The following MAD1L1 variants were observed in gnomAD, a reference collection of about 807,000 sequenced individuals.
MAD1L1 encodes the protein mitotic spindle assembly checkpoint protein MAD1.
In MAD1L1, 95 loss-of-function variants were observed where a neutral mutation model predicts 96.9. That is an observed-to-expected ratio of 0.98 (90% CI 0.83 to 1.16). The LOEUF is 1.16. Among genes scored for constraint, MAD1L1 ranks in the 50% most tolerant of loss-of-function variants. MAD1L1 has a pLI of 0.00. For missense variants in MAD1L1, 1,007 were observed against 954.4 expected (o/e 1.06, Z -0.73); for synonymous variants, 473 against 396.6 (o/e 1.19, Z -2.29).
At chr7:1,828,396 A>G (rs1262118878) in intron 18 of MAD1L1, among the ~76,000 whole-genome samples, 1 of 152,158 alleles carries the variant, frequency 6.6e-6, no homozygotes, top group Admixed American at 6.5e-5. Flanking sequence ...AGTTCGCTGG[A>G]GTGCTCAGTG....
intron 3 of MAD1L1, among the ~76,000 whole-genome samples, chr7:2,226,611 G>A (rs1351644293): frequency 1.3e-5 from 2 of 152,204 alleles, no homozygotes; most frequent in African/African-American, 4.8e-5. Flanking sequence ...GACTCTTCAC[G>A]TGGCCCAGAG....
chr7:1,995,300 G>GC (rs139309001), intron 14 of MAD1L1, among the ~76,000 whole-genome samples: 4,250 of 152,302 alleles, frequency 0.028, 107 homozygotes, highest in Middle Eastern at 0.11. Flanking sequence ...CCTGGAACCA[G>GC]CCCCGGGGCT....
intron 17 of MAD1L1, among the ~76,000 whole-genome samples, chr7:1,907,633 T>A (rs1787748622): frequency 6.6e-6 from 1 of 152,192 alleles, no homozygotes; most frequent in Admixed American, 6.5e-5. Flanking sequence ...ACAAGTCACC[T>A]CATCTCTCTA....
At chr7:1,821,080 C>CAA (rs35460625) in intron 18 of MAD1L1, among the ~76,000 whole-genome samples, 5 of 30,314 alleles carry the variant, frequency 1.6e-4, no homozygotes, top group East Asian at 2.3e-3. Context: ...GACTCCATCT[C>CAA]AAAAAAAAAA....
chr7:1,968,594 G>C lies in MAD1L1; in HGVS notation c.1506-10875C>G, dbSNP rs544712848. ...GGTCAGGTCCACTGTCCACGCCTCAGTCCGGCAGTCAGGTCCGCTGTCAAC... is the reference window on the plus strand; with the variant it reads ...GGTCAGGTCCACTGTCCACGCCTCACTCCGGCAGTCAGGTCCGCTGTCAAC... On this transcript the variant is annotated intron_variant, in intron 15 of 18. Coordinates refer to ENST00000265854, the MANE Select transcript of MAD1L1 (RefSeq NM_001013836.2). The surrounding 1 kb of genome is among the most constrained non-coding windows in gnomAD (Gnocchi z 5.6). Among the ~76,000 whole-genome samples the C allele has an allele frequency of 6.6e-6, 1 of 151,372 alleles. No homozygotes were observed.
chr7:2,182,608 A>G (rs1791253512), intron 10 of MAD1L1, among the ~76,000 whole-genome samples: 1 of 152,198 alleles, frequency 6.6e-6, no homozygotes, highest in South Asian at 2.1e-4. Context: ...TGATGACACA[A>G]TGGGGTATGA....
chr7:1,906,605 C>G (rs539658068), intron 17 of MAD1L1, among the ~76,000 whole-genome samples: 1 of 152,264 alleles, frequency 6.6e-6, no homozygotes. Flanking sequence ...GCCTGGGCCT[C>G]ACGCTCTTTC....
At chr7:2,047,747 GCA>G (rs1444346156) in intron 12 of MAD1L1, among the ~76,000 whole-genome samples, 2 of 151,692 alleles carry the variant, frequency 1.3e-5, no homozygotes, top group Non-Finnish European at 2.9e-5. Context: ...GCACAGACAT[GCA>G]CACTCACATG....
chr7:2,009,871 T>C (rs1478786331), intron 13 of MAD1L1, among the ~76,000 whole-genome samples: 7 of 151,896 alleles, frequency 4.6e-5, no homozygotes, highest in Non-Finnish European at 1.0e-4. Context: ...CTGCCGGGGG[T>C]GGCACCGGCG....
intron 16 of MAD1L1, among the ~76,000 whole-genome samples, chr7:1,952,120 C>G (rs1779525618): frequency 6.6e-6 from 1 of 152,232 alleles, no homozygotes; most frequent in African/African-American, 2.4e-5. Context: ...TCTCCCTAGG[C>G]TGCCAGGAAG....
chr7:2,077,571 C>T (rs4721372), intron 11 of MAD1L1, among the ~76,000 whole-genome samples: 1 of 152,166 alleles, frequency 6.6e-6, no homozygotes, highest in Non-Finnish European at 1.5e-5. Context: ...AGCAAGTGCA[C>T]GGGCTTGGCT....
At chr7:2,009,028 C>T (rs1337975278) in intron 13 of MAD1L1, among the ~76,000 whole-genome samples, 2 of 152,184 alleles carry the variant, frequency 1.3e-5, no homozygotes, top group Non-Finnish European at 2.9e-5. Context: ...AGCCACGCCC[C>T]GGCCCCGCAA....
chr7:1,819,417 C>T (rs1388255658), intron 18 of MAD1L1, among the ~76,000 whole-genome samples: 3 of 152,108 alleles, frequency 2.0e-5, no homozygotes, highest in African/African-American at 4.8e-5. Context: ...ACACTCGCGG[C>T]GTCCATTGTG....
intron 14 of MAD1L1, chr7:1,980,870 G>C (rs377066031): frequency 2.3e-6 from 1 of 430,238 alleles, no homozygotes; most frequent in East Asian, 5.8e-5. Context: ...CGCTGCCGTC[G>C]GTTTGGTTTA....
intron 14 of MAD1L1, among the ~76,000 whole-genome samples, chr7:1,995,025 G>A (rs992925036): frequency 6.6e-6 from 1 of 152,190 alleles, no homozygotes; most frequent in African/African-American, 2.4e-5. Context: ...TTCCTGTTAG[G>A]GCAGCTGAAT....
rs77129827 is a variant in MAD1L1 at position 1,849,117 on chromosome 7, CACACAG to C, written c.1999-32895_1999-32890del. On this transcript the variant is annotated intron_variant, in intron 18 of 18. Transcript: ENST00000265854. ...ACATGCACACACACATACACGTGCACACACAGACATGCACACACACGTACACACATG... is the reference window on the plus strand; with the variant it reads ...ACATGCACACACACATACACGTGCACACATGCACACACACGTACACACATG... The C allele has an allele frequency of 2.4e-4, 21 of 88,138 alleles. No individual in the cohort carries two copies. In the Middle Eastern group the frequency reaches 6.7e-3, roughly 28 times the overall value. The allele number at this position is 88,138 out of a possible 1,614,324, so 5.5% of individuals were successfully genotyped here. A position where few individuals can be genotyped will look rare whatever the true frequency, so the allele number is the denominator to read the frequency against.
At chr7:1,874,160 A>C (rs950029101) in intron 18 of MAD1L1, among the ~76,000 whole-genome samples, 16 of 152,138 alleles carry the variant, frequency 1.1e-4, no homozygotes, top group African/African-American at 3.6e-4. Context: ...CAGGCTGCCC[A>C]GCAGACAGTG....
chr7:1,867,293 C>T lies in MAD1L1; in HGVS notation c.1998+30907G>A, dbSNP rs567495633. 3.9e-5 allele frequency among the ~76,000 whole-genome samples: 6 copies of T among 152,256 alleles called. No homozygotes were observed. In the East Asian group the frequency reaches 5.8e-4, roughly 15 times the overall value. ...CGGGGCTAATGGAGGAGGGGAATGCCGGGACAAGGAAGTGTGGGACAAGGA... is the reference window on the plus strand; with the variant it reads ...CGGGGCTAATGGAGGAGGGGAATGCTGGGACAAGGAAGTGTGGGACAAGGA... On this transcript the variant is annotated intron_variant, in intron 18 of 18. Transcript: ENST00000265854.
At chr7:1,969,805 T>C (rs191593422) in intron 15 of MAD1L1, among the ~76,000 whole-genome samples, 1 of 152,342 alleles carries the variant, frequency 6.6e-6, no homozygotes, top group Admixed American at 6.5e-5. Flanking sequence ...GCAATACATT[T>C]ACCCAAGGAG....
Sources: allele counts gnomAD v4.1 joint callset (sites outside exome capture counted in the v4.1 genomes callset), GRCh38; gene constraint gnomAD v4.1.1; non-coding constraint Gnocchi (gnomAD v3.1); transcripts MANE v1.5; gene names NCBI Gene and HGNC (gene_info 2026-07-23, HGNC 2026-07-21).